Variants in ENOX1 observed in about 807,000 individuals in gnomAD.
ENOX1 encodes candidate growth-related and time keeping constitutive hydroquinone (NADH) oxidase.
In ENOX1, 42 loss-of-function variants were observed where a neutral mutation model predicts 82.5. The ratio of observed to expected loss-of-function variants is 0.51; its 90% CI spans 0.40 to 0.66. The LOEUF (loss-of-function observed/expected upper bound fraction) is 0.66. ENOX1 is among the 30% of genes least tolerant of loss of function. The probability of loss-of-function intolerance (pLI) is 0.00; values close to 1 mark genes in which losing one functional copy is unlikely to be tolerated. For missense variants in ENOX1, 608 were observed against 811.6 expected, an observed-to-expected ratio of 0.75 and a Z score of 3.05; for synonymous variants, 271 against 282.2, an observed-to-expected ratio of 0.96 and a Z score of 0.40.
intron 11 of ENOX1, 26 bp from the exon 12 acceptor site, chr13:43,298,556 G>C: frequency 6.3e-7 from 1 of 1,581,064 alleles, no homozygotes; most frequent in Non-Finnish European, 8.6e-7. Flanking sequence ...AACGAGTTCA[G>C]GTGAGCTACC....
chr13:43,430,109 A>G (rs1323163), intron 3 of ENOX1, among the ~76,000 whole-genome samples: 147,550 of 152,328 alleles, frequency 0.97, 71,635 homozygotes, highest in East Asian at 1. Context: ...AGCATTGATT[A>G]TCTTGTCCAC....
At chr13:43,559,047 A>G (rs2079559283) in intron 2 of ENOX1, among the ~76,000 whole-genome samples, 1 of 152,332 alleles carries the variant, frequency 6.6e-6, no homozygotes, top group Middle Eastern at 3.4e-3. Context: ...ACACAAACAG[A>G]GTAAAAATAT....
intron 2 of ENOX1, among the ~76,000 whole-genome samples, chr13:43,533,669 G>T (rs964316330): frequency 6.6e-6 from 1 of 152,038 alleles, no homozygotes. Flanking sequence ...AAAAACATCT[G>T]CCCAGAGTTT....
chr13:43,262,398 C>T (rs2044125138), intron 14 of ENOX1, among the ~76,000 whole-genome samples: 1 of 152,144 alleles, frequency 6.6e-6, no homozygotes, highest in African/African-American at 2.4e-5. Flanking sequence ...GAAATTCCTG[C>T]CCCCAGATAT....
chr13:43,580,409 C>T (rs907972855), intron 2 of ENOX1, among the ~76,000 whole-genome samples: 1 of 152,146 alleles, frequency 6.6e-6, no homozygotes, highest in Non-Finnish European at 1.5e-5. Context: ...TCTCACCAGT[C>T]GTAAATTTGG....
At chr13:43,677,407 G>A (rs547246537) in intron 1 of ENOX1, among the ~76,000 whole-genome samples, 80 of 152,262 alleles carry the variant, frequency 5.3e-4, no homozygotes, top group African/African-American at 1.8e-3. Flanking sequence ...ATGAGACATC[G>A]TACAGGTGGC....
chr13:43,300,302 AAAGG>A (rs2046501544), intron 11 of ENOX1, among the ~76,000 whole-genome samples: 1 of 152,248 alleles, frequency 6.6e-6, no homozygotes, highest in Non-Finnish European at 1.5e-5. Flanking sequence ...TATTGCTTTC[AAAGG>A]AAGAAAGGAT....
At chr13:43,586,668 C>T (rs7337274) in intron 2 of ENOX1, among the ~76,000 whole-genome samples, 3,378 of 152,216 alleles carry the variant, frequency 0.022, 125 homozygotes, top group African/African-American at 0.077. Flanking sequence ...TTACTTTCAG[C>T]TCATATTTGG....
intron 5 of ENOX1, among the ~76,000 whole-genome samples, chr13:43,383,701 A>G (rs2052221754): frequency 6.6e-6 from 1 of 152,164 alleles, no homozygotes; most frequent in Admixed American, 6.5e-5. Flanking sequence ...TACAGAAAGG[A>G]TTCTCAGCAG....
intron 9 of ENOX1, among the ~76,000 whole-genome samples, chr13:43,333,058 C>T (rs1248021207): frequency 6.6e-6 from 1 of 152,176 alleles, no homozygotes; most frequent in Admixed American, 6.5e-5. Context: ...ATTATATACG[C>T]TATTCTGTAC....
chr13:43,478,518 C>T (rs188622868), intron 3 of ENOX1, among the ~76,000 whole-genome samples: 47 of 152,148 alleles, frequency 3.1e-4, no homozygotes, highest in African/African-American at 1.1e-3. Context: ...ACTCATAAAG[C>T]TTTAAATAAT....
chr13:43,476,022 A>T (rs930437437), intron 3 of ENOX1, among the ~76,000 whole-genome samples: 9 of 152,224 alleles, frequency 5.9e-5, no homozygotes, highest in African/African-American at 1.9e-4. Flanking sequence ...TATAGACCTC[A>T]GTTTTCAATT....
intron 14 of ENOX1, among the ~76,000 whole-genome samples, chr13:43,261,157 T>C (rs2044034219): frequency 6.6e-6 from 1 of 152,210 alleles, no homozygotes; most frequent in Non-Finnish European, 1.5e-5. Flanking sequence ...TGCTGGACAA[T>C]GTGTTGGTCA....
intron 5 of ENOX1, among the ~76,000 whole-genome samples, chr13:43,408,792 G>T (rs1444540865): frequency 6.6e-6 from 1 of 151,996 alleles, no homozygotes; most frequent in African/African-American, 2.4e-5. Context: ...ATATGCATAA[G>T]AATTTAATTT....
chr13:43,576,407 A>C (rs2080424474), intron 2 of ENOX1, among the ~76,000 whole-genome samples: 2 of 152,198 alleles, frequency 1.3e-5, no homozygotes, highest in African/African-American at 4.8e-5. Context: ...TTTTCTTGAC[A>C]CTTATCACAC....
intron 1 of ENOX1, among the ~76,000 whole-genome samples, chr13:43,734,132 G>A (rs1232063515): frequency 2.0e-5 from 3 of 152,206 alleles, no homozygotes; most frequent in African/African-American, 7.2e-5. Context: ...TGTCAAAGGA[G>A]CATGGCCCTC....
chr13:43,431,099 G>A (rs9594936), intron 3 of ENOX1, among the ~76,000 whole-genome samples: 29,875 of 152,090 alleles, frequency 0.2, 3,534 homozygotes, highest in Middle Eastern at 0.31. Flanking sequence ...TGGCTACTTC[G>A]TTTGCATTTT....
At chr13:43,771,933 ATTTTTTTTTTT>A (rs34718451) in intron 1 of ENOX1, among the ~76,000 whole-genome samples, 1 of 101,002 alleles carries the variant, frequency 9.9e-6, no homozygotes, top group East Asian at 2.8e-4. Context: ...CGCCCGGCTA[ATTTTTTTTTTT>A]TTTTTTTTTT....
intron 2 of ENOX1, among the ~76,000 whole-genome samples, chr13:43,603,189 T>C (rs1271589587): frequency 2.0e-5 from 3 of 151,958 alleles, no homozygotes; most frequent in African/African-American, 7.2e-5. Flanking sequence ...TGCTTTACCA[T>C]ATCTTACTTT....
Sources: gnomAD v4.1 joint callset for allele counts (sites outside exome capture counted in the v4.1 genomes callset) on GRCh38, gnomAD v4.1.1 for gene constraint, MANE v1.5 for transcripts, NCBI Gene and HGNC (gene_info 2026-07-23, HGNC 2026-07-21) for gene names.